The following BMP2K variants were observed in gnomAD, a reference collection of about 807,000 sequenced individuals.
The protein encoded by BMP2K is BMP-2-inducible protein kinase.
A neutral mutation model predicts 116.0 loss-of-function variants in BMP2K; 74 were observed. The observed-to-expected ratio is 0.64, with a 90% confidence interval of 0.53 to 0.77. The LOEUF is 0.77. Ranked by LOEUF, BMP2K falls within the 30% of genes least tolerant of loss-of-function variation. The probability of loss-of-function intolerance (pLI) is 0.00; values close to 1 mark genes in which losing one functional copy is unlikely to be tolerated. For synonymous variants in BMP2K, 486 were observed against 502.5 expected, an observed-to-expected ratio of 0.97 and a Z score of 0.44; for missense variants, 1,365 against 1,403.6, an observed-to-expected ratio of 0.97 and a Z score of 0.44.
In BMP2K at chr4:78,776,823, A is replaced by T. The variant is rs967990281; in HGVS notation, c.178+102A>T. The T allele has an allele frequency of 5.0e-5, 53 of 1,066,540 alleles. No homozygotes were observed. The Admixed American group carries it at 5.6e-4, about 11-fold the overall frequency. 66.1% of individuals were successfully genotyped at this position (1,066,540 alleles called of 1,614,324 possible). On this transcript the variant is annotated intron_variant, in intron 1 of 15. Coordinates refer to ENST00000502613, the MANE Select transcript of BMP2K (RefSeq NM_198892.2). ...CCCTCCGGACTGACTCTTATACCCC[A>T]TTCTTCCTCTGCTGCCGGGCCAGCG...
chr4:78,871,730 ATT>A (rs1732365645), intron 11 of BMP2K, 118 bp from the exon 12 acceptor site: 2 of 568,902 alleles, frequency 3.5e-6, no homozygotes, highest in African/African-American at 3.8e-5. Context: ...GAGTATAGCT[ATT>A]TTGTATTGAT....
rs1383228524 is a variant in BMP2K, at chr4:78,912,153, A to C, written c.*120A>C. The C allele has an allele frequency of 2.9e-5, 26 of 898,276 alleles. No individual in the cohort carries two copies. The East Asian group carries it at 6.1e-4, about 21-fold the overall frequency. 55.6% of individuals were successfully genotyped at this position (898,276 alleles called of 1,614,324 possible). A position where few individuals can be genotyped will look rare whatever the true frequency, so the allele number is the denominator to read the frequency against. On this transcript the variant is annotated 3_prime_UTR_variant, in exon 16 of 16. Coordinates refer to ENST00000502613, the MANE Select transcript of BMP2K (RefSeq NM_198892.2). ...TTCATTCTTAAAGATCAGTCAGAAT[A>C]GGTGATTTCTAAATAAACCAAATAG...
intron 13 of BMP2K, among the ~76,000 whole-genome samples, chr4:78,877,074 T>C (rs1343487051): frequency 6.6e-6 from 1 of 152,144 alleles, no homozygotes; most frequent in Non-Finnish European, 1.5e-5. Context: ...TATAGGGCAC[T>C]TACCATGAAT....
chr4:78,902,682 T>C (rs1444876417), intron 15 of BMP2K, among the ~76,000 whole-genome samples: 1 of 152,112 alleles, frequency 6.6e-6, no homozygotes, highest in Non-Finnish European at 1.5e-5. Flanking sequence ...TCCCTGACAC[T>C]GGAAGCTTCT....
intron 15 of BMP2K, among the ~76,000 whole-genome samples, chr4:78,891,405 AC>A (rs1733429374): frequency 6.6e-6 from 1 of 152,100 alleles, no homozygotes; most frequent in East Asian, 1.9e-4. Flanking sequence ...AGTGGGCCTT[AC>A]TTATTTAGCC....
At position 78,875,682 on chromosome 4, in the gene BMP2K, C is replaced by G. The variant is rs115575048; in HGVS notation, c.1793+2884C>G. Among the ~76,000 whole-genome samples, 20 of 152,228 alleles carry G rather than the reference C, an allele frequency of 1.3e-4. No homozygotes were observed. The East Asian group carries it at 3.9e-3, about 29-fold the overall frequency. Reference sequence around the variant, plus strand: ...GTGGTTGTGTCTGGTAAGGCTGGGTCGGCTGTCCTCTGAAGGCTTGGCTGG... The same window carrying G: ...GTGGTTGTGTCTGGTAAGGCTGGGTGGGCTGTCCTCTGAAGGCTTGGCTGG... On this transcript the variant is annotated intron_variant, in intron 13 of 15. Coordinates refer to ENST00000502613, the MANE Select transcript of BMP2K (RefSeq NM_198892.2).
chr4:78,801,234 G>T (rs1560505453), intron 1 of BMP2K, among the ~76,000 whole-genome samples: 1 of 151,950 alleles, frequency 6.6e-6, no homozygotes, highest in East Asian at 1.9e-4. Flanking sequence ...CACCAAGTCA[G>T]CTTCTCTTGT....
intron 15 of BMP2K, 65 bp downstream of exon 15, chr4:78,887,349 T>C: frequency 8.3e-7 from 1 of 1,205,606 alleles, no homozygotes; most frequent in Non-Finnish European, 1.2e-6. Flanking sequence ...AGCAAAATCT[T>C]ATAAAGTGGA....
intron 14 of BMP2K, among the ~76,000 whole-genome samples, chr4:78,882,160 A>G (rs1233124520): frequency 1.3e-5 from 2 of 151,936 alleles, no homozygotes; most frequent in Non-Finnish European, 2.9e-5. Context: ...GGAATATTTT[A>G]TGTGTATTAT....
intron 3 of BMP2K, among the ~76,000 whole-genome samples, chr4:78,834,718 A>C (rs1029382831): frequency 6.6e-6 from 1 of 152,172 alleles, no homozygotes; most frequent in East Asian, 1.9e-4. Flanking sequence ...AAACTCTTAC[A>C]GTTTCCTGAA....
intron 15 of BMP2K, among the ~76,000 whole-genome samples, chr4:78,909,231 T>G (rs540215189): frequency 1.5e-4 from 23 of 152,002 alleles, no homozygotes; most frequent in African/African-American, 5.3e-4. Flanking sequence ...AGAGATGGGG[T>G]TTCACCATGT....
chr4:78,863,188 A>G (rs1164748763), intron 9 of BMP2K, among the ~76,000 whole-genome samples: 1 of 152,110 alleles, frequency 6.6e-6, no homozygotes, highest in Non-Finnish European at 1.5e-5. Flanking sequence ...TTAAAAAATA[A>G]GGTTGATTGG....
rs996273960 is a variant in BMP2K at position 78,856,117 on chromosome 4, C to T, written c.884-3467C>T. Among the ~76,000 whole-genome samples, 4 of 152,024 alleles carry T rather than the reference C, an allele frequency of 2.6e-5. No homozygotes were observed. The East Asian group carries it at 5.8e-4, about 22-fold the overall frequency. On this transcript the variant is annotated intron_variant, in intron 7 of 15. Transcript: ENST00000502613. The stretch of plus-strand genomic sequence containing the variant: ...GTAGCAATTAATAAAACACTGAACT[C>T]GAGGTTTAATTATTTGCAGGAGAAA...
intron 1 of BMP2K, among the ~76,000 whole-genome samples, chr4:78,818,944 A>C (rs1047491389): frequency 4.6e-5 from 7 of 152,040 alleles, no homozygotes; most frequent in Admixed American, 4.6e-4. Context: ...TTACAAGTGC[A>C]TGCCACCATG....
chr4:78,895,553 T>TA (rs561465214), intron 15 of BMP2K, among the ~76,000 whole-genome samples: 9 of 143,872 alleles, frequency 6.3e-5, no homozygotes, highest in South Asian at 2.2e-4. Flanking sequence ...AACTGACACC[T>TA]AAAAAAAAAA....
At chr4:78,852,835 C>T (rs1256331930) in intron 7 of BMP2K, among the ~76,000 whole-genome samples, 2 of 152,106 alleles carry the variant, frequency 1.3e-5, no homozygotes, top group African/African-American at 4.8e-5. Flanking sequence ...AACTCCTGGC[C>T]TCGAGCAGTC....
intron 7 of BMP2K, among the ~76,000 whole-genome samples, chr4:78,856,524 T>C (rs757436310): frequency 4.6e-4 from 70 of 152,190 alleles, no homozygotes; most frequent in Non-Finnish European, 9.4e-4. Flanking sequence ...TTTTTCCTTT[T>C]TTTTAAATTG....
At chr4:78,893,926 G>A (rs1733570358) in intron 15 of BMP2K, among the ~76,000 whole-genome samples, 1 of 152,160 alleles carries the variant, frequency 6.6e-6, no homozygotes, top group Non-Finnish European at 1.5e-5. Context: ...TGTTATTTTA[G>A]CAGGCATGAA....
At chr4:78,789,785 C>T (rs151120553) in intron 1 of BMP2K, among the ~76,000 whole-genome samples, 19 of 152,234 alleles carry the variant, frequency 1.2e-4, no homozygotes, top group African/African-American at 4.6e-4. Flanking sequence ...AAGTATGTAG[C>T]GTAAAGGTGC....
Sources: gnomAD v4.1 joint callset for allele counts (sites outside exome capture counted in the v4.1 genomes callset) on GRCh38, gnomAD v4.1.1 for gene constraint, MANE v1.5 for transcripts, NCBI Gene and HGNC (gene_info 2026-07-23, HGNC 2026-07-21) for gene names.